Variants in BLTP1 observed in about 807,000 individuals in gnomAD.
BLTP1 encodes fragile site-associated protein.
the BLTP1 span, chr4:122,227,590 T>C: frequency 2.3e-6 from 1 of 429,752 alleles, no homozygotes; most frequent in African/African-American, 2.2e-5. Flanking sequence ...TTCGTTCCTA[T>C]ATGTCTTTCC....
At chr4:122,169,079 C>T in the BLTP1 span, among the ~76,000 whole-genome samples, 1 of 152,166 alleles carries the variant, frequency 6.6e-6, no homozygotes, top group East Asian at 1.9e-4. Flanking sequence ...CCCTGAGTAG[C>T]TAGGACTACA....
chr4:122,295,254 T>C, the BLTP1 span, among the ~76,000 whole-genome samples: 2 of 149,612 alleles, frequency 1.3e-5, no homozygotes, highest in African/African-American at 4.8e-5. Context: ...ATTCAGGAAA[T>C]GCAGAGAACC....
the BLTP1 span, among the ~76,000 whole-genome samples, chr4:122,233,044 C>G: frequency 6.6e-6 from 1 of 152,228 alleles, no homozygotes; most frequent in Non-Finnish European, 1.5e-5. Flanking sequence ...AAAAATATGG[C>G]TCCCAAACTA....
the BLTP1 span, chr4:122,154,844 C>G: frequency 2.8e-6 from 1 of 360,686 alleles, no homozygotes; most frequent in Non-Finnish European, 3.9e-6. Flanking sequence ...TGCACTCCAG[C>G]CTGGGCGACA....
At chr4:122,286,917 A>G in the BLTP1 span, 1 of 754,456 alleles carries the variant, frequency 1.3e-6, no homozygotes, top group Non-Finnish European at 2.1e-6. Flanking sequence ...GAAGAATTCT[A>G]TACCAAATCA....
At chr4:122,179,266 C>G in the BLTP1 span, among the ~76,000 whole-genome samples, 1 of 151,908 alleles carries the variant, frequency 6.6e-6, no homozygotes, top group Admixed American at 6.6e-5. Flanking sequence ...GACCTTTTCT[C>G]TAAAAAATAA....
At chr4:122,331,017 T>C in the BLTP1 span, 8 of 963,796 alleles carry the variant, frequency 8.3e-6, no homozygotes, top group African/African-American at 1.2e-4. Context: ...AAGTAACATT[T>C]AAATGTTATA....
At chr4:122,200,111 T>C in the BLTP1 span, 2 of 905,384 alleles carry the variant, frequency 2.2e-6, no homozygotes, top group Non-Finnish European at 2.6e-6. Flanking sequence ...ACATTTTACA[T>C]ATGACATATG....
At chr4:122,204,555 G>A in the BLTP1 span, 3 of 978,930 alleles carry the variant, frequency 3.1e-6, no homozygotes, top group African/African-American at 1.9e-5. Context: ...ACTGCAGACT[G>A]TTTGCCTTCT....
the BLTP1 span, among the ~76,000 whole-genome samples, chr4:122,287,940 A>G: frequency 1.7e-4 from 26 of 152,150 alleles, no homozygotes; most frequent in Admixed American, 1.7e-3. Flanking sequence ...ACACGAATAC[A>G]GTGTATTGTA....
the BLTP1 span, chr4:122,240,007 C>T: frequency 6.2e-7 from 1 of 1,614,144 alleles, no homozygotes; most frequent in African/African-American, 1.3e-5. Context: ...GGGCCACTTA[C>T]TGGACATGGA....
At chr4:122,320,330 T>C in the BLTP1 span, among the ~76,000 whole-genome samples, 44 of 152,230 alleles carry the variant, frequency 2.9e-4, 1 homozygote, top group African/African-American at 1.1e-3. Flanking sequence ...AAAACATTTT[T>C]TGTGGGGACA....
At chr4:122,357,924 T>C in the BLTP1 span, among the ~76,000 whole-genome samples, 4 of 152,198 alleles carry the variant, frequency 2.6e-5, no homozygotes, top group South Asian at 4.1e-4. Flanking sequence ...ATAGCATACA[T>C]TGAAATGCTC....
At chr4:122,272,545 T>C in the BLTP1 span, 1 of 640,522 alleles carries the variant, frequency 1.6e-6, no homozygotes, top group South Asian at 2.1e-5. Flanking sequence ...TCCCAAATTC[T>C]GAGGTACCAA....
chr4:122,334,335 T>C, the BLTP1 span: 1 of 1,514,908 alleles, frequency 6.6e-7, no homozygotes, highest in African/African-American at 1.4e-5. Flanking sequence ...TTTATTTATT[T>C]CAATACAGTT....
At chr4:122,249,987 ATCTTTGG>A in the BLTP1 span, 1 of 958,110 alleles carries the variant, frequency 1.0e-6, no homozygotes, top group Non-Finnish European at 1.2e-6. Flanking sequence ...TGAAAACTGG[ATCTTTGG>A]TCAGTAGAAT....
the BLTP1 span, among the ~76,000 whole-genome samples, chr4:122,258,235 G>T: frequency 6.6e-6 from 1 of 152,132 alleles, no homozygotes; most frequent in Non-Finnish European, 1.5e-5. Flanking sequence ...TGAAAGAGTA[G>T]TCTTAGAGAT....
At chr4:122,264,501 G>A in the BLTP1 span, 1 of 1,337,366 alleles carries the variant, frequency 7.5e-7, no homozygotes, top group Non-Finnish European at 9.9e-7. Context: ...ACCTCCAATA[G>A]TACGCACCTT....
chr4:122,243,064 T>G, the BLTP1 span: 2 of 1,612,204 alleles, frequency 1.2e-6, no homozygotes, highest in Non-Finnish European at 1.7e-6. Context: ...AGGATCAACT[T>G]CAAAGTAAGT....
Sources: gnomAD v4.1 joint callset for allele counts (sites outside exome capture counted in the v4.1 genomes callset) on GRCh38, gnomAD v4.1.1 for gene constraint, MANE v1.5 for transcripts, NCBI Gene and HGNC (gene_info 2026-07-23, HGNC 2026-07-21) for gene names.